Variants in PTPN5 observed in about 807,000 individuals in gnomAD.
PTPN5 encodes the protein tyrosine-protein phosphatase non-receptor type 5.
PTPN5 carries 29 observed loss-of-function variants against 73.9 expected under a neutral mutation model. That is an observed-to-expected ratio of 0.39 (90% CI 0.29 to 0.54). The LOEUF (loss-of-function observed/expected upper bound fraction) is 0.54. Among genes scored for constraint, PTPN5 ranks in the 20% least tolerant of loss-of-function variants. The probability of loss-of-function intolerance (pLI) is 0.65; values close to 1 mark genes in which losing one functional copy is unlikely to be tolerated. For missense variants in PTPN5, 652 were observed against 751.4 expected, an observed-to-expected ratio of 0.87 and a Z score of 1.55; for synonymous variants, 267 against 304.7, an observed-to-expected ratio of 0.88 and a Z score of 1.29.
At chr11:18,777,800 C>A (rs999798058) in intron 1 of PTPN5, among the ~76,000 whole-genome samples, 1 of 151,980 alleles carries the variant, frequency 6.6e-6, no homozygotes, top group Admixed American at 6.6e-5. Context: ...AATATGTGAG[C>A]GGAGCATGGT....
At chr11:18,744,755 CG>C (rs1383454828) in intron 3 of PTPN5, among the ~76,000 whole-genome samples, 2 of 152,134 alleles carry the variant, frequency 1.3e-5, no homozygotes, top group Non-Finnish European at 2.9e-5. Flanking sequence ...GGCGAAGTGC[CG>C]GAAAATCTTG....
intron 1 of PTPN5, among the ~76,000 whole-genome samples, chr11:18,776,226 C>T (rs1222985143): frequency 1.3e-5 from 2 of 152,122 alleles, no homozygotes; most frequent in South Asian, 2.1e-4. Context: ...CTGGTATTTC[C>T]GTTCAGTTAC....
At position 18,732,625 on chromosome 11, in the gene PTPN5, C is replaced by T. The variant is rs765160597; in HGVS notation, c.1296G>A (p.Thr432=). 17 of 1,613,842 alleles carry T rather than the reference C, an allele frequency of 1.1e-5. No individual in the cohort carries two copies. The highest frequency in any genetic ancestry group is 1.6e-4 in the Middle Eastern group (1 of 6,084). Residue 432 remains threonine, a synonymous_variant, in exon 12 of 15, where the codon ACG becomes ACA. Transcript: ENST00000358540. ...VEITVQKVIH[T]EDYRLRLISL... is the part of the protein sequence containing the mutation. ...AGATGAGTCGCAGCCGGTAATCCTC[C>T]GTGTGAATGACTTTCTGCACAGTGA...
At chr11:18,738,627 T>C (rs1849222927) in intron 8 of PTPN5, among the ~76,000 whole-genome samples, 1 of 152,268 alleles carries the variant, frequency 6.6e-6, no homozygotes, top group Non-Finnish European at 1.5e-5. Context: ...TTCTGCCTCC[T>C]GAGGGCGCTG....
At chr11:18,751,727 C>CTAAAACTAAA (rs1362684956) in intron 3 of PTPN5, among the ~76,000 whole-genome samples, 3 of 152,222 alleles carry the variant, frequency 2.0e-5, no homozygotes, top group Non-Finnish European at 4.4e-5. Flanking sequence ...TGGACTAAAA[C>CTAAAACTAAA]ATGGGTGCTC....
chr11:18,729,036 C>A lies in PTPN5; in HGVS notation c.1605-9G>T. The A allele has an allele frequency of 6.2e-7, 1 of 1,613,278 alleles. No homozygotes were observed. The highest frequency in any genetic ancestry group is 8.5e-7 in the Non-Finnish European group (1 of 1,179,848). ...TCTGGATCATGCCGCCCCTGCCCGG[C>A]AGAGATGCACAGTGGGGGCAGGGTC... On this transcript the variant is annotated splice_polypyrimidine_tract_variant and intron_variant, in intron 14 of 14. Coordinates refer to ENST00000358540, the MANE Select transcript of PTPN5 (RefSeq NM_006906.2). This position sits in a 1 kb window ranked among gnomAD's most constrained non-coding sequence, Gnocchi z 5.2.
chr11:18,773,146 A>ATTCC (rs1850985152), intron 1 of PTPN5, among the ~76,000 whole-genome samples: 1 of 148,672 alleles, frequency 6.7e-6, no homozygotes, highest in Non-Finnish European at 1.5e-5. Flanking sequence ...CTCACTTGGA[A>ATTCC]TTTTTTCCTT....
At chr11:18,734,915 C>T (rs1235578493) in intron 9 of PTPN5, among the ~76,000 whole-genome samples, 5 of 152,202 alleles carry the variant, frequency 3.3e-5, no homozygotes, top group Admixed American at 2.0e-4. Context: ...CATTAAGAGT[C>T]TACACCGCTG....
At chr11:18,731,512 G>A (rs891387812) in intron 12 of PTPN5, among the ~76,000 whole-genome samples, 1 of 152,140 alleles carries the variant, frequency 6.6e-6, no homozygotes, top group Non-Finnish European at 1.5e-5. Flanking sequence ...CATCTCCATG[G>A]CATTGAGAAG....
At chr11:18,753,180 C>T (rs761618503) in intron 3 of PTPN5, among the ~76,000 whole-genome samples, 51 of 152,182 alleles carry the variant, frequency 3.4e-4, no homozygotes, top group Non-Finnish European at 6.5e-4. Context: ...AGCCCAAGGT[C>T]CCCCCAGGAC....
chr11:18,750,504 G>T (rs1192161854), intron 3 of PTPN5, among the ~76,000 whole-genome samples: 1 of 152,130 alleles, frequency 6.6e-6, no homozygotes, highest in African/African-American at 2.4e-5. Flanking sequence ...GGGCTCCATG[G>T]CCTGTCAACT....
chr11:18,764,698 C>CTTTGTTTTGT (rs531773887), intron 3 of PTPN5, among the ~76,000 whole-genome samples: 24 of 151,818 alleles, frequency 1.6e-4, no homozygotes, highest in African/African-American at 5.8e-4. Context: ...AAAGACTTGT[C>CTTTGTTTTGT]TTTGTTTTGT....
chr11:18,743,243 A>G lies in PTPN5; in HGVS notation c.399+79T>C, dbSNP rs373613929. On this transcript the variant is annotated intron_variant, in intron 5 of 14. Coordinates refer to ENST00000358540, the MANE Select transcript of PTPN5 (RefSeq NM_006906.2). ...GTATCTTCTGAACTCAGAGAAGCCC[A>G]ATCTGGAGGTTGGGGAGGGTGGGAC... 14 of 1,419,126 alleles carry G rather than the reference A, an allele frequency of 9.9e-6. No homozygotes were observed. The East Asian group carries it at 1.6e-4, about 16-fold the overall frequency. 87.9% of individuals were successfully genotyped at this position (1,419,126 alleles called of 1,614,324 possible). A position where few individuals can be genotyped will look rare whatever the true frequency, so the allele number is the denominator to read the frequency against.
intron 3 of PTPN5, among the ~76,000 whole-genome samples, chr11:18,765,368 T>C (rs894774370): frequency 3.3e-5 from 5 of 152,208 alleles, no homozygotes; most frequent in African/African-American, 1.2e-4. Context: ...CAGCACAGTT[T>C]CACCCTCAAG....
intron 12 of PTPN5, chr11:18,730,036 A>G: frequency 1.6e-6 from 1 of 608,962 alleles, no homozygotes; most frequent in East Asian, 2.8e-5. Flanking sequence ...GTTGGCATGG[A>G]TCTTGCCTTT....
chr11:18,738,887 G>A (rs926360418), intron 8 of PTPN5, among the ~76,000 whole-genome samples: 6 of 150,964 alleles, frequency 4.0e-5, no homozygotes, highest in Non-Finnish European at 8.8e-5. Flanking sequence ...CAGGAGAATC[G>A]CTTGGAACTG....
chr11:18,746,059 A>G (rs1447031853), intron 3 of PTPN5, among the ~76,000 whole-genome samples: 10 of 151,222 alleles, frequency 6.6e-5, no homozygotes, highest in Non-Finnish European at 1.3e-4. Context: ...AATGTTTACT[A>G]AATGAGTGAA....
chr11:18,745,725 C>T (rs998261179), intron 3 of PTPN5, among the ~76,000 whole-genome samples: 1 of 152,142 alleles, frequency 6.6e-6, no homozygotes, highest in Admixed American at 6.5e-5. Flanking sequence ...TCTCTGTGTG[C>T]CTGGGTTAAT....
chr11:18,785,601 A>G (rs1432972386), intron 1 of PTPN5, among the ~76,000 whole-genome samples: 1 of 152,190 alleles, frequency 6.6e-6, no homozygotes, highest in East Asian at 1.9e-4. Flanking sequence ...AAATACACAC[A>G]TTGTTAGTTT....
Sources: allele counts gnomAD v4.1 joint callset (sites outside exome capture counted in the v4.1 genomes callset), GRCh38; gene constraint gnomAD v4.1.1; non-coding constraint Gnocchi (gnomAD v3.1); transcripts MANE v1.5; gene names NCBI Gene and HGNC (gene_info 2026-07-23, HGNC 2026-07-21).